The following SPANXD variants were observed in gnomAD, a reference collection of about 807,000 sequenced individuals.
SPANXD encodes sperm protein associated with the nucleus on the X chromosome D.
Under a neutral mutation model 1.8 loss-of-function variants are expected in SPANXD, and 2 were observed. That is an observed-to-expected ratio of 1.10 (90% CI 0.45 to 3.47). The LOEUF (loss-of-function observed/expected upper bound fraction) is 3.47. SPANXD is among the 30% of genes most tolerant of loss of function. The pLI is 0.08. For synonymous variants in SPANXD, 30 were observed against 32.9 expected (o/e 0.91, Z 0.30); for missense variants, 80 against 81.6 (o/e 0.98, Z 0.07).
Position 141,697,643 on chromosome X carries a change from G to A in SPANXD, c.116C>T (p.Pro39Leu), listed in dbSNP as rs145377089. 2.8e-5 allele frequency: 33 copies of A among 1,186,527 alleles called. 1 individual carries two copies. Among genetic ancestry groups the A allele is most frequent in the East Asian group, 2.4e-4 (8 of 33,464 alleles). The change falls in exon 2 of 2, where the codon CCG becomes CTG. Residue 39 changes from proline (P) to leucine (L), a missense_variant. Coordinates refer to ENST00000370515, the MANE Select transcript of SPANXD (RefSeq NM_032417.4). Reference protein sequence around the residue: ...SSGYSDPQPAPKKLKTSESST... With the variant: ...SSGYSDPQPALKKLKTSESST... The stretch of plus-strand genomic sequence containing the variant: ...GGACTCAGATGTTTTTAGTTTTTTC[G>A]GAGCAGGTTGCGGGTCTGAGTACCC...
chrX:141,697,538 T>C lies in SPANXD; in HGVS notation c.221A>G (p.Lys74Arg), dbSNP rs782054080. 11 of 1,205,004 alleles carry C rather than the reference T, an allele frequency of 9.1e-6. 1 individual carries two copies. The African/African-American group carries it at 1.8e-4, about 19-fold the overall frequency. The change falls in exon 2 of 2, where the codon AAG becomes AGG. Residue 74 changes from lysine to arginine, a missense_variant. Lys to Arg is a conservative substitution (Grantham distance 26). Around this residue, in one of 2 missense-constraint regions of SPANXD, gnomAD observed 78 missense variants for 58.7 expected, o/e 1.33. Coordinates refer to ENST00000370515, the MANE Select transcript of SPANXD (RefSeq NM_032417.4). The stretch of plus-strand genomic sequence containing the variant: ...CATTTGGAGGGGGTTGATTCTGTTC[T>C]TTCGGGCGTGGTCATTCACCAGTTC... ...PEELVNDHAR[K>R]NRINPLQMEE...
intron 1 of SPANXD, 110 bp from the exon 2 acceptor site, chrX:141,697,796 G>T (rs1556402481): frequency 1.3e-6 from 1 of 798,022 alleles, no homozygotes. Context: ...TGAGGAAGGG[G>T]TTTGATCCAG....
At position 141,697,622 on chromosome X, in the gene SPANXD, T is replaced by G. The variant is rs782745133; in HGVS notation, c.137A>C (p.Glu46Ala). The G allele has an allele frequency of 8.4e-7, 1 of 1,189,136 alleles. No homozygotes were observed. Among genetic ancestry groups the G allele is most frequent in the South Asian group, 1.8e-5 (1 of 54,826 alleles). Residue 46 changes from glutamate (E) to alanine (A), a missense_variant, in exon 2 of 2, where the codon GAG (glutamate) becomes GCG (alanine). Transcript: ENST00000370515. ...GCGAACCACTAGTATGGTCGAGGAC[T>G]CAGATGTTTTTAGTTTTTTCGGAGC... ...QPAPKKLKTS[E>A]SSTILVVRYR...
rs376383101 is a variant in SPANXD, at chrX:141,697,637, T to C, written c.122A>G (p.Lys41Arg). The change falls in exon 2 of 2, where the codon AAA becomes AGA. Residue 41 changes from lysine to arginine, a missense_variant. This residue lies in a region of SPANXD where 78 missense variants were observed against 58.7 expected (regional missense o/e 1.33). Coordinates refer to ENST00000370515, the MANE Select transcript of SPANXD (RefSeq NM_032417.4). ...GGTCGAGGACTCAGATGTTTTTAGT[T>C]TTTTCGGAGCAGGTTGCGGGTCTGA... ...GYSDPQPAPKKLKTSESSTIL... is the reference protein window; with the variant it reads ...GYSDPQPAPKRLKTSESSTIL... 3.2e-5 allele frequency: 38 copies of C among 1,186,729 alleles called. 1 individual carries two copies. Among genetic ancestry groups the C allele is most frequent in the Non-Finnish European group, 4.1e-5 (36 of 880,081 alleles).
chrX:141,697,509 C>G lies in SPANXD; in HGVS notation c.250G>C (p.Glu84Gln), dbSNP rs782579220. The change falls in exon 2 of 2, where the codon GAG (glutamate) becomes CAG (glutamine). Residue 84 changes from glutamate (E) to glutamine (Q), a missense_variant. Glu to Gln is a conservative substitution (Grantham distance 29). Transcript: ENST00000370515. ...KNRINPLQME[E>Q]EEFMEIMVEI... ...ACCATTATTTCCATGAATTCCTCCT[C>G]CTCCATTTGGAGGGGGTTGATTCTG... The G allele has an allele frequency of 8.3e-7, 1 of 1,206,452 alleles. No individual in the cohort carries two copies. Among genetic ancestry groups the G allele is most frequent in the Admixed American group, 2.2e-5 (1 of 45,538 alleles).
Position 141,697,615 on chromosome X carries a change from C to G in SPANXD, c.144G>C (p.Ser48=). 5 of 1,192,608 alleles carry G rather than the reference C, an allele frequency of 4.2e-6. No homozygotes were observed. The highest frequency in any genetic ancestry group is 3.0e-5 in the East Asian group (1 of 33,667). ...TCCTGTAGCGAACCACTAGTATGGT[C>G]GAGGACTCAGATGTTTTTAGTTTTT... is the stretch of plus-strand genomic sequence containing the variant. ...APKKLKTSES[S]TILVVRYRRN... is the part of the protein sequence containing the mutation. The change falls in exon 2 of 2, where the codon TCG becomes TCC. Residue 48 remains serine, a synonymous_variant. Transcript: ENST00000370515.
At position 141,697,412 on chromosome X, in the gene SPANXD, C is replaced by A. The variant is rs139049463; in HGVS notation, c.*53G>T. 9.9e-3 allele frequency: 11,960 copies of A among 1,205,740 alleles called. 88 individuals carry two copies. Among genetic ancestry groups the A allele is most frequent in the African/African-American group, 0.039 (2,219 of 56,393 alleles). ...AACAGGCAGAGATATACACAGCCAT[C>A]AGCTTCTCAAACTTTATTGTCATTG... On this transcript the variant is annotated 3_prime_UTR_variant, in exon 2 of 2. Coordinates refer to ENST00000370515, the MANE Select transcript of SPANXD (RefSeq NM_032417.4).
Position 141,697,643 on chromosome X carries a change from G to T in SPANXD, c.116C>A (p.Pro39Gln). 1 of 1,188,265 alleles carries T rather than the reference G, an allele frequency of 8.4e-7. No homozygotes were observed. The highest frequency in any genetic ancestry group is 3.0e-5 in the East Asian group (1 of 33,530). Residue 39 changes from proline to glutamine, a missense_variant, in exon 2 of 2, where the codon CCG (proline) becomes CAG (glutamine). Physicochemically the swap from Pro to Gln is moderately conservative, Grantham distance 76. Transcript: ENST00000370515. ...GGACTCAGATGTTTTTAGTTTTTTC[G>T]GAGCAGGTTGCGGGTCTGAGTACCC... ...SSGYSDPQPA[P>Q]KKLKTSESST...
intron 1 of SPANXD, 49 bp from the exon 2 acceptor site, chrX:141,697,735 A>G: frequency 8.6e-7 from 1 of 1,159,628 alleles, no homozygotes; most frequent in Non-Finnish European, 1.2e-6. Flanking sequence ...TTGGGTGAAC[A>G]GGATAGAGAC....
rs1556402210 is a variant in SPANXD at position 141,697,458 on chromosome X, C to G, written c.*7G>C. On this transcript the variant is annotated 3_prime_UTR_variant, in exon 2 of 2. Coordinates refer to ENST00000370515, the MANE Select transcript of SPANXD (RefSeq NM_032417.4). ...CATTGCCCAAGGTTGAGAGATGTAG[C>G]TTCTTGCTACTTTGCAGGTATTTCA... is the stretch of plus-strand genomic sequence containing the variant. 8.3e-7 allele frequency: 1 copy of G among 1,207,186 alleles called. No individual in the cohort carries two copies. The highest frequency in any genetic ancestry group is 1.8e-5 in the African/African-American group (1 of 56,679).
rs2983592 is a variant in SPANXD at position 141,697,539 on chromosome X, T to C, written c.220A>G (p.Lys74Glu). 0.053 allele frequency: 59,334 copies of C among 1,109,184 alleles called. 1,727 individuals carry two copies. Among genetic ancestry groups the C allele is most frequent in the African/African-American group, 0.18 (8,204 of 46,039 alleles). 91.4% of individuals were successfully genotyped at this position (1,109,184 alleles called of 1,213,427 possible). Reference sequence around the variant, plus strand: ...ATTTGGAGGGGGTTGATTCTGTTCTTTCGGGCGTGGTCATTCACCAGTTCC... The same window carrying C: ...ATTTGGAGGGGGTTGATTCTGTTCTCTCGGGCGTGGTCATTCACCAGTTCC... ...PEELVNDHAR[K>E]NRINPLQMEE... Residue 74 changes from lysine (K) to glutamate (E), a missense_variant, in exon 2 of 2, where the codon AAG becomes GAG. Transcript: ENST00000370515.
At position 141,697,647 on chromosome X, in the gene SPANXD, C is replaced by A. The variant is rs1319833980; in HGVS notation, c.112G>T (p.Ala38Ser). 1 of 1,186,589 alleles carries A rather than the reference C, an allele frequency of 8.4e-7. No individual in the cohort carries two copies. The highest frequency in any genetic ancestry group is 3.0e-5 in the East Asian group (1 of 33,477). Reference protein sequence around the residue: ...TSSGYSDPQPAPKKLKTSESS... With the variant: ...TSSGYSDPQPSPKKLKTSESS... Reference sequence around the variant, plus strand: ...TCAGATGTTTTTAGTTTTTTCGGAGCAGGTTGCGGGTCTGAGTACCCACTC... The same window carrying A: ...TCAGATGTTTTTAGTTTTTTCGGAGAAGGTTGCGGGTCTGAGTACCCACTC... The change falls in exon 2 of 2, where the codon GCT becomes TCT. Residue 38 changes from alanine to serine, a missense_variant. This residue lies in a region of SPANXD where 78 missense variants were observed against 58.7 expected (regional missense o/e 1.33). Transcript: ENST00000370515.
At chrX:141,697,743 G>A in intron 1 of SPANXD, 57 bp from the exon 2 acceptor site, 2 of 1,125,240 alleles carry the variant, frequency 1.8e-6, no homozygotes, top group Non-Finnish European at 2.4e-6. Flanking sequence ...ACAGGATAGA[G>A]ACTGGATAGC....
At chrX:141,697,932 C>G in intron 1 of SPANXD, among the ~76,000 whole-genome samples, 1 of 64,058 alleles carries the variant, frequency 1.6e-5, no homozygotes. Flanking sequence ...AGACCTTGGT[C>G]AAAGTGAAAC....
rs1059179 is a variant in SPANXD at position 141,697,582 on chromosome X, A to G, written c.177T>C (p.Phe59=). Residue 59 remains phenylalanine, a synonymous_variant, in exon 2 of 2, where the codon TTT becomes TTC. Coordinates refer to ENST00000370515, the MANE Select transcript of SPANXD (RefSeq NM_032417.4). ...TILVVRYRRN[F]KRTSPEELVN... ...CCAGTTCCTCTGGAGATGTTCTTTT[A>G]AAGTTCCTCCTGTAGCGAACCACTA... The G allele has an allele frequency of 5.0e-6, 6 of 1,203,151 alleles. No individual in the cohort carries two copies. In the Admixed American group the frequency reaches 6.6e-5, roughly 13 times the overall value.
In SPANXD at chrX:141,697,464, G is replaced by A. The variant is rs782010850; in HGVS notation, c.*1C>T. 1 of 1,209,217 alleles carries A rather than the reference G, an allele frequency of 8.3e-7. No individual in the cohort carries two copies. The highest frequency in any genetic ancestry group is 1.1e-6 in the Non-Finnish European group (1 of 894,693). ...CCAAGGTTGAGAGATGTAGCTTCTTGCTACTTTGCAGGTATTTCAACCATT... is the reference window on the plus strand; with the variant it reads ...CCAAGGTTGAGAGATGTAGCTTCTTACTACTTTGCAGGTATTTCAACCATT... On this transcript the variant is annotated 3_prime_UTR_variant, in exon 2 of 2. Coordinates refer to ENST00000370515, the MANE Select transcript of SPANXD (RefSeq NM_032417.4).
Position 141,698,637 on chromosome X carries a change from T to A in SPANXD, c.-232A>T, listed in dbSNP as rs1602988535. The A allele has an allele frequency of 2.3e-6, 1 of 440,201 alleles. No homozygotes were observed. The allele number at this position is 440,201 out of a possible 1,213,427, so 36.3% of individuals were successfully genotyped here. On this transcript the variant is annotated 5_prime_UTR_variant, in exon 1 of 2. Coordinates refer to ENST00000370515, the MANE Select transcript of SPANXD (RefSeq NM_032417.4). Reference sequence around the variant, plus strand: ...ACTCCCTGGGCTTGCGGGCGAGGGGTGACAGGGGTGTAGAGCAAACCAAAT... The same window carrying A: ...ACTCCCTGGGCTTGCGGGCGAGGGGAGACAGGGGTGTAGAGCAAACCAAAT...
rs2016809762 is a variant in SPANXD at position 141,697,507 on chromosome X, C to G, written c.252G>C (p.Glu84Asp). ...CAACCATTATTTCCATGAATTCCTC[C>G]TCCTCCATTTGGAGGGGGTTGATTC... ...KNRINPLQMEEEEFMEIMVEI... is the reference protein window; with the variant it reads ...KNRINPLQMEDEEFMEIMVEI... The change falls in exon 2 of 2, where the codon GAG (glutamate) becomes GAC (aspartate). Residue 84 changes from glutamate (E) to aspartate (D), a missense_variant. Physicochemically the swap from Glu to Asp is conservative, Grantham distance 45 (BLOSUM62 2). This residue lies in a region of SPANXD where 78 missense variants were observed against 58.7 expected (regional missense o/e 1.33). Coordinates refer to ENST00000370515, the MANE Select transcript of SPANXD (RefSeq NM_032417.4). 2.5e-6 allele frequency: 3 copies of G among 1,208,603 alleles called. No homozygotes were observed. The East Asian group carries it at 8.9e-5, about 36-fold the overall frequency.
At position 141,697,429 on chromosome X, in the gene SPANXD, T is replaced by C; in HGVS notation, c.*36A>G. On this transcript the variant is annotated 3_prime_UTR_variant, in exon 2 of 2. Coordinates refer to ENST00000370515, the MANE Select transcript of SPANXD (RefSeq NM_032417.4). Reference sequence around the variant, plus strand: ...ACAGCCATCAGCTTCTCAAACTTTATTGTCATTGCCCAAGGTTGAGAGATG... The same window carrying C: ...ACAGCCATCAGCTTCTCAAACTTTACTGTCATTGCCCAAGGTTGAGAGATG... 7.4e-6 allele frequency: 9 copies of C among 1,208,842 alleles called. No individual in the cohort carries two copies. Among genetic ancestry groups the C allele is most frequent in the Non-Finnish European group, 1.0e-5 (9 of 894,683 alleles).
Sources: gnomAD v4.1 joint callset for allele counts (sites outside exome capture counted in the v4.1 genomes callset) on GRCh38, gnomAD v4.1.1 for gene constraint, gnomAD v4.1.1 regional missense constraint, MANE v1.5 for transcripts, NCBI Gene and HGNC (gene_info 2026-07-23, HGNC 2026-07-21) for gene names.